AUTS2: variants seen among roughly 807,000 people sequenced by gnomAD.
AUTS2 encodes activator of transcription and developmental regulator AUTS2, also known as autism susceptibility gene 2 protein.
Under a neutral mutation model 112.4 loss-of-function variants are expected in AUTS2, and 17 were observed. The ratio of observed to expected loss-of-function variants is 0.15; its 90% CI spans 0.10 to 0.23. AUTS2 has a LOEUF of 0.23. AUTS2 is among the 10% of genes least tolerant of loss of function. The pLI, the probability that AUTS2 is intolerant of heterozygous loss-of-function variation, is 1.00. For missense variants in AUTS2, 1,510 were observed against 1,701.6 expected, an observed-to-expected ratio of 0.89 and a Z score of 1.98; for synonymous variants, 751 against 702.7, an observed-to-expected ratio of 1.07 and a Z score of -1.09.
intron 3 of AUTS2, among the ~76,000 whole-genome samples, chr7:70,126,851 G>T (rs998209578): frequency 6.6e-6 from 1 of 152,066 alleles, no homozygotes; most frequent in Non-Finnish European, 1.5e-5. Flanking sequence ...TTGCTGTGTC[G>T]CCCAGGCTGG....
At chr7:70,238,923 A>G (rs1812464260) in intron 4 of AUTS2, among the ~76,000 whole-genome samples, 1 of 152,120 alleles carries the variant, frequency 6.6e-6, no homozygotes. Flanking sequence ...TCAGTTTATC[A>G]ATTAGTAGAA....
chr7:69,732,947 G>A (rs542495874), intron 1 of AUTS2, among the ~76,000 whole-genome samples: 1 of 152,314 alleles, frequency 6.6e-6, no homozygotes, highest in South Asian at 2.1e-4. Flanking sequence ...GGTAAAGATT[G>A]TCATTTCCTT....
intron 17 of AUTS2, among the ~76,000 whole-genome samples, chr7:70,786,245 G>A (rs1391460486): frequency 1.3e-5 from 2 of 152,202 alleles, no homozygotes; most frequent in Non-Finnish European, 2.9e-5. Flanking sequence ...TGGCTATCCA[G>A]TTCTGAGGGG....
intron 5 of AUTS2, among the ~76,000 whole-genome samples, chr7:70,617,207 C>T (rs1377975911): frequency 2.0e-5 from 3 of 152,134 alleles, no homozygotes; most frequent in East Asian, 3.9e-4. Flanking sequence ...AGTAAAAGTC[C>T]GTGCTATCCT....
intron 4 of AUTS2, among the ~76,000 whole-genome samples, chr7:70,271,032 C>A (rs1024620478): frequency 1.3e-5 from 2 of 151,922 alleles, no homozygotes; most frequent in African/African-American, 2.4e-5. Context: ...GCAGGCAGAC[C>A]CTCACACTAG....
intron 5 of AUTS2, among the ~76,000 whole-genome samples, chr7:70,684,109 C>G (rs1808337985): frequency 6.7e-6 from 1 of 149,938 alleles, no homozygotes; most frequent in South Asian, 2.1e-4. Flanking sequence ...TTTGGACCAT[C>G]AGGATGCTTA....
At chr7:69,887,881 T>C (rs1794345120) in intron 1 of AUTS2, among the ~76,000 whole-genome samples, 1 of 152,134 alleles carries the variant, frequency 6.6e-6, no homozygotes, top group South Asian at 2.1e-4. Context: ...TTTTTTTTTC[T>C]CTTGGGGTTA....
chr7:70,205,069 G>T (rs1221256404), intron 4 of AUTS2, among the ~76,000 whole-genome samples: 2 of 152,084 alleles, frequency 1.3e-5, no homozygotes, highest in South Asian at 2.1e-4. Flanking sequence ...TTAAAACAGG[G>T]TCTTGCTGTG....
intron 5 of AUTS2, among the ~76,000 whole-genome samples, chr7:70,524,489 G>A (rs1485143450): frequency 6.6e-6 from 1 of 152,174 alleles, no homozygotes; most frequent in African/African-American, 2.4e-5. Context: ...ACATTAACTG[G>A]TGGAAGAGCT....
At chr7:70,644,412 T>C (rs1399897944) in intron 5 of AUTS2, among the ~76,000 whole-genome samples, 1 of 152,130 alleles carries the variant, frequency 6.6e-6, no homozygotes, top group African/African-American at 2.4e-5. Context: ...TTAACCATCC[T>C]AAAACACAGT....
intron 4 of AUTS2, among the ~76,000 whole-genome samples, chr7:70,170,334 T>C (rs1449563306): frequency 6.6e-6 from 1 of 151,882 alleles, no homozygotes; most frequent in Non-Finnish European, 1.5e-5. Flanking sequence ...TGTATTTTTG[T>C]AGTGTTGGGG....
intron 2 of AUTS2, among the ~76,000 whole-genome samples, chr7:70,010,458 A>G (rs1434128219): frequency 6.6e-6 from 1 of 152,152 alleles, no homozygotes; most frequent in African/African-American, 2.4e-5. Context: ...GGACATTTTT[A>G]AAGGTGTATA....
At chr7:69,958,570 T>C (rs746993929) in intron 2 of AUTS2, among the ~76,000 whole-genome samples, 7 of 152,060 alleles carry the variant, frequency 4.6e-5, no homozygotes, top group Non-Finnish European at 1.0e-4. Flanking sequence ...AACCATGTAG[T>C]GTAAGGAGGA....
At chr7:70,446,566 T>C (rs933947129) in intron 5 of AUTS2, among the ~76,000 whole-genome samples, 4 of 152,216 alleles carry the variant, frequency 2.6e-5, no homozygotes, top group Non-Finnish European at 4.4e-5. Context: ...TATTTTCCGC[T>C]AATGGTAGTC....
chr7:70,766,088 A>G lies in AUTS2; in HGVS notation c.1469-26A>G. 6.2e-7 allele frequency: 1 copy of G among 1,604,736 alleles called. No homozygotes were observed. The highest frequency in any genetic ancestry group is 8.5e-7 in the Non-Finnish European group (1 of 1,172,756). On this transcript the variant is annotated intron_variant, in intron 8 of 18. Coordinates refer to ENST00000342771, the MANE Select transcript of AUTS2 (RefSeq NM_015570.4). The surrounding 1 kb of genome is among the most constrained non-coding windows in gnomAD (Gnocchi z 4.8). ...GTCCTTTTCTGAAGGAAAAGGCGTC[A>G]TCGTCTCCCTCTTCTTCTCTTCCAG...
chr7:70,651,111 G>A (rs1022497386), intron 5 of AUTS2, among the ~76,000 whole-genome samples: 1 of 152,206 alleles, frequency 6.6e-6, no homozygotes, highest in Non-Finnish European at 1.5e-5. Flanking sequence ...AAAGTTCTAA[G>A]CACTTTACAT....
chr7:69,939,522 A>G (rs1336451421), intron 2 of AUTS2, among the ~76,000 whole-genome samples: 1 of 152,178 alleles, frequency 6.6e-6, no homozygotes, highest in East Asian at 1.9e-4. Context: ...TTTTGCTTTC[A>G]TGAAACACTA....
chr7:70,371,286 A>G (rs1792825032), intron 4 of AUTS2, among the ~76,000 whole-genome samples: 1 of 152,222 alleles, frequency 6.6e-6, no homozygotes, highest in African/African-American at 2.4e-5. Context: ...ATCTCCTCAC[A>G]TGATTCTGAT....
At chr7:70,764,717 ATTTTTTTCTTTTCT>A (rs1219767938) in intron 7 of AUTS2, 21 bp from the exon 8 acceptor site, 2 of 715,900 alleles carry the variant, frequency 2.8e-6, no homozygotes, top group East Asian at 2.7e-5. Context: ...ACCTTTTTTT[ATTTTTTTCTTTTCT>A]TTTTTTTCTT....
Sources: gnomAD v4.1 joint callset for allele counts (sites outside exome capture counted in the v4.1 genomes callset) on GRCh38, gnomAD v4.1.1 for gene constraint, Gnocchi (gnomAD v3.1) non-coding constraint, MANE v1.5 for transcripts, NCBI Gene and HGNC (gene_info 2026-07-23, HGNC 2026-07-21) for gene names.